The following SF3B1 variants were observed in gnomAD, a reference collection of about 807,000 sequenced individuals.
SF3B1 encodes pre-mRNA processing 10.
In SF3B1, 12 loss-of-function variants were observed where a neutral mutation model predicts 153.8. That is an observed-to-expected ratio of 0.08 (90% CI 0.05 to 0.13). The LOEUF is 0.13. SF3B1 is among the 10% of genes least tolerant of loss of function. The probability of loss-of-function intolerance (pLI) is 1.00; values close to 1 mark genes in which losing one functional copy is unlikely to be tolerated. For missense variants in SF3B1, 513 were observed against 1,606.1 expected (o/e 0.32, Z 11.63); for synonymous variants, 498 against 525.2 (o/e 0.95, Z 0.71).
At chr2:197,418,260 A>AAAAAAAAAAAAAAAAAAAAAAC (rs2085185584) in intron 5 of SF3B1, among the ~76,000 whole-genome samples, 1 of 139,052 alleles carries the variant, frequency 7.2e-6, no homozygotes, top group Non-Finnish European at 1.6e-5. Flanking sequence ...AAAAAAAAAA[A>AAAAAAAAAAAAAAAAAAAAAAC]AAAATCCCTT....
chr2:197,413,593 T>C (rs893869926), intron 6 of SF3B1, among the ~76,000 whole-genome samples: 21 of 152,296 alleles, frequency 1.4e-4, no homozygotes, highest in Admixed American at 2.6e-4. Flanking sequence ...TGATAGGTTT[T>C]TTCTTGGTTT....
chr2:197,420,926 A>G (rs1174833107), intron 3 of SF3B1, 103 bp downstream of exon 3: 1 of 719,722 alleles, frequency 1.4e-6, no homozygotes, highest in African/African-American at 1.8e-5. Flanking sequence ...GTTATTATTT[A>G]TAATTATCCT....
At position 197,396,136 on chromosome 2, in the gene SF3B1, G is replaced by A. The variant is rs2084872307; in HGVS notation, c.3459C>T (p.Phe1153=). 6.2e-7 allele frequency: 1 copy of A among 1,613,594 alleles called. No homozygotes were observed. Among genetic ancestry groups the A allele is most frequent in the Admixed American group, 1.7e-5 (1 of 60,000 alleles). Reference sequence around the variant, plus strand: ...CCATTTCACCAATATATTCAAACAAGAAGGAAAGCGATTTTAACACTCCAT... The same window carrying A: ...CCATTTCACCAATATATTCAAACAAAAAGGAAAGCGATTTTAACACTCCAT... ...VQNGVLKSLS[F]LFEYIGEMGK... is the part of the protein sequence containing the mutation. Residue 1153 remains phenylalanine, a synonymous_variant, in exon 23 of 25, where the codon TTC becomes TTT. Transcript: ENST00000335508.
At chr2:197,406,117 A>AC (rs2084989244) in intron 9 of SF3B1, among the ~76,000 whole-genome samples, 1 of 141,202 alleles carries the variant, frequency 7.1e-6, no homozygotes, top group East Asian at 2.0e-4. Context: ...AACAGACTTC[A>AC]AAAAAAAAAA....
In SF3B1 at chr2:197,390,218, G is replaced by A. The variant is rs936259221; in HGVS notation, c.*2085C>T. 1 of 152,174 alleles carries A rather than the reference G, an allele frequency of 6.6e-6. No individual in the cohort carries two copies. Among genetic ancestry groups the A allele is most frequent in the Non-Finnish European group, 1.5e-5 (1 of 68,036 alleles). The allele number at this position is 152,174 out of a possible 1,614,324, so 9.4% of individuals were successfully genotyped here. On this transcript the variant is annotated 3_prime_UTR_variant, in exon 25 of 25. Transcript: ENST00000335508. ...ATCAGTAAAAAAAGTTAATTAAGGT[G>A]TAACAGTCTCCTTTGCTCCACAATG...
intron 24 of SF3B1, 109 bp from the exon 25 acceptor site, chr2:197,392,570 T>G (rs1461485007): frequency 4.0e-4 from 58 of 145,672 alleles, no homozygotes; most frequent in South Asian, 7.2e-4. Flanking sequence ...CTTGGGGAGT[T>G]GGGGGGGGGG....
rs1212969218 is a variant in SF3B1, at chr2:197,401,648, T to C, written c.2370+94A>G. On this transcript the variant is annotated intron_variant, in intron 16 of 24. Transcript: ENST00000335508. The surrounding 1 kb of genome is among the most constrained non-coding windows in gnomAD (Gnocchi z 4.2). Reference sequence around the variant, plus strand: ...CAAATCAAACAGTATTCGTGTAACATACAGTTTTTTTTGTTGATTTTTAAA... The same window carrying C: ...CAAATCAAACAGTATTCGTGTAACACACAGTTTTTTTTGTTGATTTTTAAA... The C allele has an allele frequency of 2.0e-6, 3 of 1,486,868 alleles. No individual in the cohort carries two copies. Among genetic ancestry groups the C allele is most frequent in the Middle Eastern group, 1.8e-4 (1 of 5,682 alleles). The allele number at this position is 1,486,868 out of a possible 1,614,324, so 92.1% of individuals were successfully genotyped here. A position where few individuals can be genotyped will look rare whatever the true frequency, so the allele number is the denominator to read the frequency against.
chr2:197,432,745 C>T (rs1047009291), intron 1 of SF3B1, among the ~76,000 whole-genome samples: 60 of 151,946 alleles, frequency 3.9e-4, no homozygotes, highest in African/African-American at 1.3e-3. Context: ...CACATGCCTG[C>T]GATACTAGTA....
chr2:197,419,799 T>TA (rs1422664260), intron 4 of SF3B1: 1 of 225,128 alleles, frequency 4.4e-6, no homozygotes, highest in Admixed American at 5.7e-5. Context: ...AATCTAATTT[T>TA]AAGAAACAGG....
chr2:197,410,501 A>ATTTTTTTT, intron 6 of SF3B1, among the ~76,000 whole-genome samples: 1 of 107,938 alleles, frequency 9.3e-6, no homozygotes, highest in Non-Finnish European at 1.8e-5. Context: ...CACCTATGTA[A>ATTTTTTTT]TTTTTTTTTT....
At position 197,400,228 on chromosome 2, in the gene SF3B1, T is replaced by G. The variant is rs1281432680; in HGVS notation, c.2901+24A>C. On this transcript the variant is annotated intron_variant, in intron 19 of 24. Coordinates refer to ENST00000335508, the MANE Select transcript of SF3B1 (RefSeq NM_012433.4). This position sits in a 1 kb window ranked among gnomAD's most constrained non-coding sequence, Gnocchi z 5.0. ...TACATTAAACTATTTGGGGAAGAAG[T>G]AAGAATTTGATGCAAAAGTTTACCT... 18 of 1,612,280 alleles carry G rather than the reference T, an allele frequency of 1.1e-5. No individual in the cohort carries two copies. Among genetic ancestry groups the G allele is most frequent in the Non-Finnish European group, 1.4e-5 (17 of 1,178,778 alleles).
At chr2:197,431,442 G>A (rs1444311178) in intron 1 of SF3B1, among the ~76,000 whole-genome samples, 1 of 152,070 alleles carries the variant, frequency 6.6e-6, no homozygotes, top group African/African-American at 2.4e-5. Context: ...CTAAGCCTTA[G>A]ATCCTGCTAA....
intron 20 of SF3B1, 56 bp from the exon 21 acceptor site, chr2:197,398,637 T>G (rs1174186913): frequency 6.6e-7 from 1 of 1,521,768 alleles, no homozygotes; most frequent in Non-Finnish European, 9.0e-7. Context: ...TTTGTTCACT[T>G]TCCTTTTACT....
upstream of SF3B1, chr2:197,435,090 C>T (rs902726676): frequency 3.1e-6 from 5 of 1,590,278 alleles, no homozygotes; most frequent in African/African-American, 6.7e-5. Context: ...GGGGGCTGCA[C>T]TCTGCGCGTG....
chr2:197,398,819 C>T (rs1194221262), intron 20 of SF3B1: 4 of 515,846 alleles, frequency 7.8e-6, no homozygotes, highest in African/African-American at 3.9e-5. Context: ...GATGGATACT[C>T]AATAACAAAA....
At position 197,401,956 on chromosome 2, in the gene SF3B1, A is replaced by G. The variant is rs1372227023; in HGVS notation, c.2223+29T>C. 4 of 1,604,936 alleles carry G rather than the reference A, an allele frequency of 2.5e-6. No homozygotes were observed. The highest frequency in any genetic ancestry group is 1.1e-5 in the South Asian group (1 of 88,652). ...TTATGTCGCCTTAACTTTAATGAAG[A>G]TAAATCAAAAGGTAATTGGTGGATT... On this transcript the variant is annotated intron_variant, in intron 15 of 24. Coordinates refer to ENST00000335508, the MANE Select transcript of SF3B1 (RefSeq NM_012433.4). This position sits in a 1 kb window ranked among gnomAD's most constrained non-coding sequence, Gnocchi z 4.2.
intron 23 of SF3B1, chr2:197,393,452 TA>T: frequency 2.2e-6 from 1 of 447,502 alleles, no homozygotes. Flanking sequence ...ATTTTCTAAT[TA>T]ACTTTTTTTT....
At chr2:197,427,813 G>A (rs2085358609) in intron 1 of SF3B1, among the ~76,000 whole-genome samples, 1 of 152,114 alleles carries the variant, frequency 6.6e-6, no homozygotes, top group Admixed American at 6.5e-5. Context: ...GAGGTCAGGA[G>A]TTCAGGATCA....
chr2:197,418,625 T>G, intron 4 of SF3B1, 37 bp from the exon 5 acceptor site: 1 of 1,592,656 alleles, frequency 6.3e-7, no homozygotes, highest in Non-Finnish European at 8.6e-7. Context: ...AAGAGTACAA[T>G]AAATAAAAAA....
Sources: gnomAD v4.1 joint callset for allele counts (sites outside exome capture counted in the v4.1 genomes callset) on GRCh38, gnomAD v4.1.1 for gene constraint, Gnocchi (gnomAD v3.1) non-coding constraint, MANE v1.5 for transcripts, NCBI Gene and HGNC (gene_info 2026-07-23, HGNC 2026-07-21) for gene names.